The following ZCCHC2 variants were observed in gnomAD, a reference collection of about 807,000 sequenced individuals.
The protein encoded by ZCCHC2 is zinc finger CCHC domain-containing protein 2.
ZCCHC2 carries 39 observed loss-of-function variants against 103.6 expected under a neutral mutation model. The observed-to-expected ratio is 0.38, with a 90% CI of 0.29 to 0.49. The LOEUF (loss-of-function observed/expected upper bound fraction) is 0.49. Ranked by LOEUF, ZCCHC2 falls within the 20% of genes least tolerant of loss-of-function variation. ZCCHC2 has a pLI of 0.96. For missense variants in ZCCHC2, 1,483 were observed against 1,491.0 expected (o/e 0.99, Z 0.09); for synonymous variants, 687 against 608.9 (o/e 1.13, Z -1.89).
In ZCCHC2 at chr18:62,528,984, A is replaced by G. The variant is rs796106489; in HGVS notation, c.939+4621A>G. On this transcript the variant is annotated intron_variant, in intron 1 of 13. Transcript: ENST00000269499. Reference sequence around the variant, plus strand: ...AGACCAGCCTGACCAACGAGGTGAAACCCTATCTCTACTAAAAATATAAAA... The same window carrying G: ...AGACCAGCCTGACCAACGAGGTGAAGCCCTATCTCTACTAAAAATATAAAA... Among the ~76,000 whole-genome samples, 54 of 152,158 alleles carry G rather than the reference A, an allele frequency of 3.5e-4. 1 individual carries two copies. Among genetic ancestry groups the G allele is most frequent in the African/African-American group, 1.1e-3 (44 of 41,518 alleles).
rs1916533211 is a variant in ZCCHC2, at chr18:62,570,091, T to C, written c.1847-12T>C. 6.3e-7 allele frequency: 1 copy of C among 1,578,454 alleles called. No homozygotes were observed. Among genetic ancestry groups the C allele is most frequent in the Non-Finnish European group, 8.6e-7 (1 of 1,162,860 alleles). ...TTAACATGATTTTTTAAAATAGTGTTGTTATTTTTAGATGTGAATTTGGAC... is the reference window on the plus strand; with the variant it reads ...TTAACATGATTTTTTAAAATAGTGTCGTTATTTTTAGATGTGAATTTGGAC... On this transcript the variant is annotated splice_polypyrimidine_tract_variant and intron_variant, in intron 11 of 13. Transcript: ENST00000269499.
chr18:62,540,466 T>C (rs953969113), intron 2 of ZCCHC2, among the ~76,000 whole-genome samples: 1 of 151,988 alleles, frequency 6.6e-6, no homozygotes, highest in African/African-American at 2.4e-5. Context: ...TAATAATCCT[T>C]TTTGTGTAAT....
intron 4 of ZCCHC2, among the ~76,000 whole-genome samples, chr18:62,545,718 G>A (rs1267208461): frequency 6.6e-6 from 1 of 152,162 alleles, no homozygotes; most frequent in Non-Finnish European, 1.5e-5. Flanking sequence ...AGAAAGTCCA[G>A]AAACAAAACA....
At chr18:62,563,612 A>T (rs992696862) in intron 9 of ZCCHC2, among the ~76,000 whole-genome samples, 3 of 152,222 alleles carry the variant, frequency 2.0e-5, no homozygotes, top group African/African-American at 7.2e-5. Flanking sequence ...AGCCATGATC[A>T]CACCACTGTA....
downstream of ZCCHC2, among the ~76,000 whole-genome samples, chr18:62,582,057 A>G (rs994306753): frequency 3.3e-4 from 50 of 152,264 alleles, no homozygotes; most frequent in African/African-American, 1.2e-3. Flanking sequence ...AGGGAAAATT[A>G]TAAAAGAGTT....
intron 2 of ZCCHC2, 137 bp from the exon 3 acceptor site, chr18:62,542,361 G>A (rs536041766): frequency 1.7e-6 from 1 of 584,198 alleles, no homozygotes; most frequent in East Asian, 2.9e-5. Context: ...TTTATTTCAT[G>A]ATTTAAGACC....
chr18:62,579,684 A>G (rs572115994), downstream of ZCCHC2, among the ~76,000 whole-genome samples: 1 of 151,248 alleles, frequency 6.6e-6, no homozygotes, highest in South Asian at 2.1e-4. Context: ...CCCTTCCCCC[A>G]CTACACTAAG....
At chr18:62,535,471 G>A (rs1182983816) in intron 1 of ZCCHC2, among the ~76,000 whole-genome samples, 1 of 152,196 alleles carries the variant, frequency 6.6e-6, no homozygotes, top group African/African-American at 2.4e-5. Context: ...ATCTCTCACA[G>A]TTTTGTGGGT....
chr18:62,556,213 T>G lies in ZCCHC2; in HGVS notation c.1324T>G (p.Ser442Ala), dbSNP rs747019128. 2 of 1,599,810 alleles carry G rather than the reference T, an allele frequency of 1.3e-6. No individual in the cohort carries two copies. The highest frequency in any genetic ancestry group is 1.7e-6 in the Non-Finnish European group (2 of 1,172,632). ...TCTTTTTATGTGCAGGCAGCTATTT[T>G]CAAGTTCATCACAAGCTTTTCTACA... ...DLEPILRQLF[S>A]SSSQAFLQSQ... The change falls in exon 6 of 14, where the codon TCA becomes GCA. Residue 442 changes from serine to alanine, a missense_variant. Physicochemically the swap from Ser to Ala is moderately conservative, Grantham distance 99. This residue lies in a region of ZCCHC2 where 884 missense variants were observed against 907.5 expected (regional missense o/e 0.97). Coordinates refer to ENST00000269499, the MANE Select transcript of ZCCHC2 (RefSeq NM_017742.6).
chr18:62,530,649 G>C (rs956742696), intron 1 of ZCCHC2, among the ~76,000 whole-genome samples: 3 of 152,098 alleles, frequency 2.0e-5, no homozygotes, highest in African/African-American at 7.2e-5. Flanking sequence ...CATTTATTTG[G>C]AGCAGTTATT....
rs763864478 is a variant in ZCCHC2 at position 62,539,753 on chromosome 18, G to A, written c.1012G>A (p.Asp338Asn). 1.2e-6 allele frequency: 2 copies of A among 1,608,452 alleles called. No individual in the cohort carries two copies. Among genetic ancestry groups the A allele is most frequent in the South Asian group, 2.2e-5 (2 of 89,568 alleles). ...SLIEQAPIPQ[D>N]GLTVAPHRAQ... ...AATAGAGCAAGCTCCAATACCTCAGGACGGACTTACCGTGGCACCTCACAG... is the reference window on the plus strand; with the variant it reads ...AATAGAGCAAGCTCCAATACCTCAGAACGGACTTACCGTGGCACCTCACAG... The change falls in exon 2 of 14, where the codon GAC becomes AAC. Residue 338 changes from aspartate to asparagine, a missense_variant. Transcript: ENST00000269499.
At chr18:62,539,874 T>C in intron 2 of ZCCHC2, 82 bp downstream of exon 2, 1 of 1,119,840 alleles carries the variant, frequency 8.9e-7, no homozygotes, top group Non-Finnish European at 1.3e-6. Context: ...AACTCTAAAC[T>C]TTTTACTCTC....
At chr18:62,576,054 A>G (rs934257975) in intron 13 of ZCCHC2, among the ~76,000 whole-genome samples, 2 of 151,070 alleles carry the variant, frequency 1.3e-5, no homozygotes, top group Non-Finnish European at 2.9e-5. Context: ...CCAAGATTCT[A>G]TTGCATTAAT....
At chr18:62,550,288 T>C (rs1915606332) in intron 4 of ZCCHC2, 60 bp from the exon 5 acceptor site, 3 of 1,276,014 alleles carry the variant, frequency 2.4e-6, no homozygotes, top group South Asian at 1.3e-5. Context: ...ATATAACTTG[T>C]AACATCTTTA....
rs1321292088 is a variant in ZCCHC2 at position 62,575,082 on chromosome 18, G to A, written c.3001G>A (p.Val1001Ile). Residue 1001 changes from valine to isoleucine, a missense_variant, in exon 13 of 14, where the codon GTA becomes ATA. This residue lies in a region of ZCCHC2 where 884 missense variants were observed against 907.5 expected (regional missense o/e 0.97). Transcript: ENST00000269499. ...AVGNTNANGT[V>I]VPPQQMGSGP... ...GGGGAACACGAACGCTAATGGGACA[G>A]TAGTGCCACCGCAGCAGATGGGCTC... 24 of 1,614,062 alleles carry A rather than the reference G, an allele frequency of 1.5e-5. No individual in the cohort carries two copies. Among genetic ancestry groups the A allele is most frequent in the Non-Finnish European group, 1.9e-5 (23 of 1,179,896 alleles).
intron 11 of ZCCHC2, among the ~76,000 whole-genome samples, chr18:62,568,874 G>A (rs1916478900): frequency 6.6e-6 from 1 of 152,178 alleles, no homozygotes; most frequent in African/African-American, 2.4e-5. Flanking sequence ...TGGCCACTAT[G>A]GCCCGTTAGC....
At position 62,575,137 on chromosome 18, in the gene ZCCHC2, GCAGCTGTGGGAC is replaced by G; in HGVS notation, c.3059_3070del (p.Ser1020_Thr1023del). The G allele has an allele frequency of 6.2e-7, 1 of 1,614,018 alleles. No individual in the cohort carries two copies. Among genetic ancestry groups the G allele is most frequent in the African/African-American group, 1.3e-5 (1 of 75,060 alleles). ...CCTTGTGGTTCTTGTGGGCGAAGGT[GCAGCTGTGGGAC>G]CAATGGAAACCTTCAGCTAAATAGT... On this transcript the variant is annotated inframe_deletion, in exon 13 of 14. Transcript: ENST00000269499.
At chr18:62,538,669 G>A (rs73963441) in intron 1 of ZCCHC2, among the ~76,000 whole-genome samples, 2,382 of 152,224 alleles carry the variant, frequency 0.016, 79 homozygotes, top group African/African-American at 0.054. Context: ...AGACTAGAAG[G>A]CAGAAGTTTA....
intron 1 of ZCCHC2, 58 bp downstream of exon 1, chr18:62,524,421 C>T: frequency 2.1e-6 from 3 of 1,426,374 alleles, no homozygotes; most frequent in South Asian, 1.5e-5. Context: ...GGCGGCCTCC[C>T]CGGCCTCGCT....
Sources: allele counts gnomAD v4.1 joint callset (sites outside exome capture counted in the v4.1 genomes callset), GRCh38; gene constraint gnomAD v4.1.1; regional missense constraint gnomAD v4.1.1; transcripts MANE v1.5; gene names NCBI Gene and HGNC (gene_info 2026-07-23, HGNC 2026-07-21).